The following CERS6 variants were observed in gnomAD, a reference collection of about 807,000 sequenced individuals.
CERS6 encodes LAG1 homolog, ceramide synthase 6.
In CERS6, 26 loss-of-function variants were observed where a neutral mutation model predicts 56.8. The ratio of observed to expected loss-of-function variants is 0.46; its 90% CI spans 0.34 to 0.63. The LOEUF (loss-of-function observed/expected upper bound fraction) is 0.63, where lower values mean the gene tolerates loss of function less well. CERS6 is among the 30% of genes least tolerant of loss of function. The pLI, the probability that CERS6 is intolerant of heterozygous loss-of-function variation, is 0.01. For synonymous variants in CERS6, 164 were observed against 173.3 expected, an observed-to-expected ratio of 0.95 and a Z score of 0.42; for missense variants, 415 against 467.5, an observed-to-expected ratio of 0.89 and a Z score of 1.04.
At chr2:168,488,668 G>A (rs1054120276) in intron 1 of CERS6, among the ~76,000 whole-genome samples, 1 of 151,674 alleles carries the variant, frequency 6.6e-6, no homozygotes, top group African/African-American at 2.4e-5. Flanking sequence ...AATCTTTTTA[G>A]CATTCCCTCT....
intron 1 of CERS6, among the ~76,000 whole-genome samples, chr2:168,525,357 C>T (rs1392489035): frequency 2.6e-5 from 4 of 152,226 alleles, no homozygotes; most frequent in Admixed American, 6.5e-5. Context: ...CTGGAGACCA[C>T]ACCTTAAGAA....
At position 168,774,504 on chromosome 2, in the gene CERS6, A is replaced by G. The variant is rs1684950119; in HGVS notation, c.*4842A>G. The stretch of plus-strand genomic sequence containing the variant: ...TTGATGTCTGTTGCGTGGCCTGGAA[A>G]CCAGGGAGCAGCAACTATTGAGATG... On this transcript the variant is annotated 3_prime_UTR_variant, in exon 10 of 10. Transcript: ENST00000305747. 6.6e-6 allele frequency: 1 copy of G among 152,158 alleles called. No homozygotes were observed. Among genetic ancestry groups the G allele is most frequent in the African/African-American group, 2.4e-5 (1 of 41,432 alleles). The allele number at this position is 152,158 out of a possible 1,614,324, so 9.4% of individuals were successfully genotyped here. A position where few individuals can be genotyped will look rare whatever the true frequency, so the allele number is the denominator to read the frequency against.
intron 1 of CERS6, among the ~76,000 whole-genome samples, chr2:168,491,116 G>A (rs1007705025): frequency 1.3e-5 from 2 of 152,188 alleles, no homozygotes; most frequent in East Asian, 3.8e-4. Context: ...TGACAGTCAC[G>A]CTGAGGATGG....
At position 168,645,162 on chromosome 2, in the gene CERS6, G is replaced by T. The variant is rs1268567270; in HGVS notation, c.465+14120G>T. 7.6e-4 allele frequency among the ~76,000 whole-genome samples: 90 copies of T among 117,832 alleles called. 1 individual carries two copies. Among genetic ancestry groups the T allele is most frequent in the African/African-American group, 1.2e-3 (36 of 30,770 alleles). The allele number at this position is 117,832 out of a possible 152,430, so 77.3% of individuals were successfully genotyped here. A position where few individuals can be genotyped will look rare whatever the true frequency, so the allele number is the denominator to read the frequency against. Reference sequence around the variant, plus strand: ...ATATATAGAGAGAGAGAGAGAGAGAGAGAGAGAGAGAGAGAGAGAGAGAGA... The same window carrying T: ...ATATATAGAGAGAGAGAGAGAGAGATAGAGAGAGAGAGAGAGAGAGAGAGA... On this transcript the variant is annotated intron_variant, in intron 4 of 9. Coordinates refer to ENST00000305747, the MANE Select transcript of CERS6 (RefSeq NM_203463.3).
At position 168,581,263 on chromosome 2, in the gene CERS6, C is replaced by A. The variant is rs1303326492; in HGVS notation, c.407+19941C>A. Reference sequence around the variant, plus strand: ...TGAACTGCTGACCTGTAGTGATCCACCTGCTTTGGCCTCCCAAAGTGCTGG... The same window carrying A: ...TGAACTGCTGACCTGTAGTGATCCAACTGCTTTGGCCTCCCAAAGTGCTGG... On this transcript the variant is annotated intron_variant, in intron 3 of 9. Transcript: ENST00000305747. Among the ~76,000 whole-genome samples the A allele has an allele frequency of 2.0e-5, 3 of 152,302 alleles. No individual in the cohort carries two copies. In the East Asian group the frequency reaches 5.8e-4, roughly 29 times the overall value.
chr2:168,558,609 C>T (rs1480463801), intron 2 of CERS6, among the ~76,000 whole-genome samples: 12 of 152,224 alleles, frequency 7.9e-5, no homozygotes, highest in African/African-American at 2.9e-4. Flanking sequence ...GTGGCTCACG[C>T]CTGTAATCCC....
rs1316479408 is a variant in CERS6, at chr2:168,772,119, C to T, written c.*2457C>T. On this transcript the variant is annotated 3_prime_UTR_variant, in exon 10 of 10. Coordinates refer to ENST00000305747, the MANE Select transcript of CERS6 (RefSeq NM_203463.3). ...AGAGAGAAAAATATGTGCAGTATCT[C>T]ATCCTCCCCCTGTACCAGGCCATAG... 1.3e-5 allele frequency: 2 copies of T among 152,198 alleles called. No homozygotes were observed. Among genetic ancestry groups the T allele is most frequent in the East Asian group, 3.8e-4 (2 of 5,198 alleles). The allele number at this position is 152,198 out of a possible 1,614,324, so 9.4% of individuals were successfully genotyped here. A position where few individuals can be genotyped will look rare whatever the true frequency, so the allele number is the denominator to read the frequency against.
intron 8 of CERS6, among the ~76,000 whole-genome samples, chr2:168,760,892 A>C (rs1353320579): frequency 6.6e-6 from 1 of 152,022 alleles, no homozygotes; most frequent in Non-Finnish European, 1.5e-5. Flanking sequence ...CGTAGCTGGG[A>C]CTACAGGCGC....
rs1684810287 is a variant in CERS6, at chr2:168,769,512, G to A, written c.1005G>A (p.Val335=). 6.3e-7 allele frequency: 1 copy of A among 1,597,952 alleles called. No homozygotes were observed. The highest frequency in any genetic ancestry group is 8.5e-7 in the Non-Finnish European group (1 of 1,174,850). ...ACTCACCTGCTTCTACTCCACAGGTGTCCAAGGATGATCGAAGTGATATTG... is the reference window on the plus strand; with the variant it reads ...ACTCACCTGCTTCTACTCCACAGGTATCCAAGGATGATCGAAGTGATATTG... ...IACKAVSRGK[V]SKDDRSDIES... is the part of the protein sequence containing the mutation. Residue 335 remains valine (V), a splice_region_variant and synonymous_variant, in exon 10 of 10, where the codon GTG becomes GTA. Coordinates refer to ENST00000305747, the MANE Select transcript of CERS6 (RefSeq NM_203463.3).
chr2:168,667,492 A>G (rs547788498), intron 4 of CERS6, among the ~76,000 whole-genome samples: 106 of 152,330 alleles, frequency 7.0e-4, no homozygotes, highest in African/African-American at 2.3e-3. Flanking sequence ...GTCACATGAA[A>G]TAAAAGTTAT....
At chr2:168,620,707 G>T (rs1327649555) in intron 3 of CERS6, among the ~76,000 whole-genome samples, 3 of 151,682 alleles carry the variant, frequency 2.0e-5, no homozygotes, top group South Asian at 4.2e-4. Context: ...GTGTAGTAGA[G>T]CCTGCAGCAG....
intron 3 of CERS6, among the ~76,000 whole-genome samples, chr2:168,570,887 A>G (rs1039035887): frequency 1.3e-5 from 2 of 152,194 alleles, no homozygotes; most frequent in African/African-American, 4.8e-5. Flanking sequence ...GTTCCCTTTC[A>G]AATGTGGTTG....
chr2:168,768,539 C>G (rs1033464895), intron 9 of CERS6, among the ~76,000 whole-genome samples: 3 of 151,774 alleles, frequency 2.0e-5, no homozygotes, highest in Non-Finnish European at 2.9e-5. Context: ...GGCTGGGAGC[C>G]AGTTCTTGAT....
At chr2:168,552,349 T>TACACACACACACAC (rs56340726) in intron 2 of CERS6, among the ~76,000 whole-genome samples, 1 of 140,002 alleles carries the variant, frequency 7.1e-6, no homozygotes, top group Non-Finnish European at 1.5e-5. Context: ...ATACAGAGTA[T>TACACACACACACAC]ACACACACAC....
chr2:168,648,246 G>C (rs541027021), intron 4 of CERS6, among the ~76,000 whole-genome samples: 2 of 152,002 alleles, frequency 1.3e-5, no homozygotes, highest in Admixed American at 1.3e-4. Context: ...TTCAGTCTTG[G>C]CGGGTATATG....
chr2:168,497,156 G>T (rs1194081347), intron 1 of CERS6, among the ~76,000 whole-genome samples: 1 of 152,280 alleles, frequency 6.6e-6, no homozygotes, highest in Middle Eastern at 3.4e-3. Flanking sequence ...TACTCTCTTA[G>T]AGAAAAAGAA....
intron 1 of CERS6, among the ~76,000 whole-genome samples, chr2:168,533,386 A>C (rs1344443681): frequency 1.3e-5 from 2 of 152,192 alleles, no homozygotes; most frequent in African/African-American, 4.8e-5. Context: ...ATAGTTTGGA[A>C]TAGATTGGAA....
At chr2:168,599,676 T>C (rs189377277) in intron 3 of CERS6, among the ~76,000 whole-genome samples, 1 of 152,354 alleles carries the variant, frequency 6.6e-6, no homozygotes, top group African/African-American at 2.4e-5. Context: ...GAGCTTTATG[T>C]TGGTTTTATA....
Position 168,515,059 on chromosome 2 carries a change from G to T in CERS6, c.171-32537G>T, listed in dbSNP as rs539118726. ...AATAATTTCTTTGTAATTGGTTTTT[G>T]ATATTGGAAGCTAGATAATAGGAAT... On this transcript the variant is annotated intron_variant, in intron 1 of 9. Coordinates refer to ENST00000305747, the MANE Select transcript of CERS6 (RefSeq NM_203463.3). Among the ~76,000 whole-genome samples, 366 of 152,210 alleles carry T rather than the reference G, an allele frequency of 2.4e-3. 2 individuals are homozygous for T. Among genetic ancestry groups the T allele is most frequent in the African/African-American group, 8.4e-3 (350 of 41,546 alleles).
Sources: allele counts gnomAD v4.1 joint callset (sites outside exome capture counted in the v4.1 genomes callset), GRCh38; gene constraint gnomAD v4.1.1; transcripts MANE v1.5; gene names NCBI Gene and HGNC (gene_info 2026-07-23, HGNC 2026-07-21).